The following ACSL6 variants were observed in gnomAD, a reference collection of about 807,000 sequenced individuals.
The protein encoded by ACSL6 is long-chain-fatty-acid--CoA ligase 6.
A neutral mutation model predicts 98.2 loss-of-function variants in ACSL6; 47 were observed. The observed-to-expected ratio is 0.48, with a 90% CI of 0.38 to 0.61. ACSL6 has a LOEUF of 0.61. Among genes scored for constraint, ACSL6 ranks in the 20% least tolerant of loss-of-function variants. The pLI, the probability that ACSL6 is intolerant of heterozygous loss-of-function variation, is 0.00. For synonymous variants in ACSL6, 362 were observed against 336.9 expected, an observed-to-expected ratio of 1.07 and a Z score of -0.82; for missense variants, 761 against 913.4, an observed-to-expected ratio of 0.83 and a Z score of 2.15.
intron 11 of ACSL6, chr5:131,973,609 T>C (rs922644579): frequency 2.2e-6 from 1 of 461,904 alleles, no homozygotes; most frequent in African/African-American, 2.0e-5. Flanking sequence ...CACAGGGAGA[T>C]GAAGCAGAAG....
Position 131,988,696 on chromosome 5 carries a change from G to C in ACSL6, c.652+109C>G, listed in dbSNP as rs1303656355. The C allele has an allele frequency of 7.6e-6, 12 of 1,571,786 alleles. No homozygotes were observed. In the South Asian group the frequency reaches 1.3e-4, roughly 17 times the overall value. Reference sequence around the variant, plus strand: ...AGTGTAAGCCCCTAGTATTTTCTGAGAGCAAAGTGCCTCTTACGAGTGTCA... The same window carrying C: ...AGTGTAAGCCCCTAGTATTTTCTGACAGCAAAGTGCCTCTTACGAGTGTCA... On this transcript the variant is annotated intron_variant, in intron 6 of 20. Transcript: ENST00000651883.
In ACSL6 at chr5:131,962,529, C is replaced by T; in HGVS notation, c.1857+6G>A. The T allele has an allele frequency of 6.2e-7, 1 of 1,611,340 alleles. No individual in the cohort carries two copies. The highest frequency in any genetic ancestry group is 8.5e-7 in the Non-Finnish European group (1 of 1,178,136). On this transcript the variant is annotated splice_donor_region_variant and intron_variant, in intron 18 of 20. Coordinates refer to ENST00000651883, the MANE Select transcript of ACSL6 (RefSeq NM_001009185.3). ...ATGTGGGAGGGCTGAAGCCTAGAGG[C>T]CTCACCTTTAAGCTGTCCCCATGGA... is the stretch of plus-strand genomic sequence containing the variant.
At chr5:131,954,453 CAT>C in intron 20 of ACSL6, 82 bp from the exon 21 acceptor site, 4 of 1,356,572 alleles carry the variant, frequency 2.9e-6, no homozygotes, top group Non-Finnish European at 4.0e-6. Flanking sequence ...CAAACAGGCA[CAT>C]GAGAGTAGAT....
At chr5:131,988,941 G>A in intron 5 of ACSL6, 37 bp from the exon 6 acceptor site, 4 of 1,579,760 alleles carry the variant, frequency 2.5e-6, no homozygotes, top group Non-Finnish European at 2.6e-6. Context: ...GGGAAGAAGG[G>A]GAGATTAGAG....
chr5:131,988,601 C>T, intron 6 of ACSL6: 1 of 1,612,948 alleles, frequency 6.2e-7, no homozygotes, highest in Non-Finnish European at 8.5e-7. Flanking sequence ...CAGCTGAGCC[C>T]TGTGGAAGGA....
chr5:131,974,920 C>T lies in ACSL6; in HGVS notation c.1041G>A (p.Leu347=). ...QDDVLISFLP[L]AHMFERVIQS... The stretch of plus-strand genomic sequence containing the variant: ...GGATTACTCTCTCAAACATGTGAGC[C>T]AGAGGCAGGAAGGAGATGAGCACAT... The change falls in exon 11 of 21, where the codon CTG becomes CTA. Residue 347 remains leucine (L), a synonymous_variant. Transcript: ENST00000651883. 6.2e-7 allele frequency: 1 copy of T among 1,614,184 alleles called. No individual in the cohort carries two copies. Among genetic ancestry groups the T allele is most frequent in the Non-Finnish European group, 8.5e-7 (1 of 1,180,028 alleles).
chr5:131,978,466 G>A (rs1753735366), intron 9 of ACSL6, among the ~76,000 whole-genome samples: 1 of 152,176 alleles, frequency 6.6e-6, no homozygotes, highest in South Asian at 2.1e-4. Context: ...CTGTTAGCAA[G>A]CTGGGGGAGA....
chr5:132,000,709 C>A (rs985561485), intron 1 of ACSL6, among the ~76,000 whole-genome samples: 1 of 152,276 alleles, frequency 6.6e-6, no homozygotes, highest in East Asian at 1.9e-4. Flanking sequence ...TTACTACCAC[C>A]CCCAGGCCCT....
chr5:131,960,879 T>C (rs1432371246), intron 18 of ACSL6: 3 of 320,816 alleles, frequency 9.4e-6, no homozygotes, highest in Non-Finnish European at 1.7e-5. Flanking sequence ...TTGATTCTCA[T>C]GCCAATCTCA....
intron 15 of ACSL6, 33 bp downstream of exon 15, chr5:131,970,095 G>T (rs542904263): frequency 1.2e-6 from 2 of 1,605,922 alleles, no homozygotes; most frequent in African/African-American, 1.3e-5. Context: ...ACAGTGCCTC[G>T]CGAGCCAGTC....
At chr5:132,007,749 C>T (rs963002473) in intron 1 of ACSL6, among the ~76,000 whole-genome samples, 4 of 152,218 alleles carry the variant, frequency 2.6e-5, no homozygotes, top group Admixed American at 2.0e-4. Flanking sequence ...CCTCCACACA[C>T]ACCTAGTACT....
At chr5:131,967,429 C>T (rs767995973) in intron 16 of ACSL6, among the ~76,000 whole-genome samples, 1 of 151,764 alleles carries the variant, frequency 6.6e-6, no homozygotes, top group African/African-American at 2.4e-5. Flanking sequence ...TTTGGGAGGC[C>T]GAGGTGGGCG....
intron 1 of ACSL6, among the ~76,000 whole-genome samples, chr5:132,008,288 G>C (rs1038927913): frequency 6.6e-6 from 1 of 152,208 alleles, no homozygotes; most frequent in Non-Finnish European, 1.5e-5. Flanking sequence ...TGGGGTAAGG[G>C]GAGGATCTCA....
At chr5:131,991,577 A>T (rs769516174) in intron 2 of ACSL6, among the ~76,000 whole-genome samples, 7 of 152,298 alleles carry the variant, frequency 4.6e-5, no homozygotes, top group Admixed American at 3.3e-4. Flanking sequence ...AGAGGCAGGC[A>T]GCAAGTTCCT....
chr5:131,987,675 CCT>C, intron 7 of ACSL6, among the ~76,000 whole-genome samples: 1 of 152,204 alleles, frequency 6.6e-6, no homozygotes, highest in African/African-American at 2.4e-5. Context: ...TTTGTAAGAA[CCT>C]CTCCCAGACT....
rs1755739160 is a variant in ACSL6, at chr5:132,011,621, CCAGCAGCCCCAGCAGTAG to C, written c.-86_-69del. ...ACCCGCAGCCCCGCAGCCCCGCAGC[CCAGCAGCCCCAGCAGTAG>C]CCGCGCCGCCGCCGCCGCTGCCGGG... On this transcript the variant is annotated 5_prime_UTR_variant, in exon 1 of 21. Transcript: ENST00000651883. This position sits in a 1 kb window ranked among gnomAD's most constrained non-coding sequence, Gnocchi z 5.4. 4 of 1,269,614 alleles carry C rather than the reference CCAGCAGCCCCAGCAGTAG, an allele frequency of 3.2e-6. No homozygotes were observed. Among genetic ancestry groups the C allele is most frequent in the Middle Eastern group, 5.3e-4 (2 of 3,806 alleles). The allele number at this position is 1,269,614 out of a possible 1,614,324, so 78.6% of individuals were successfully genotyped here.
intron 1 of ACSL6, among the ~76,000 whole-genome samples, chr5:132,000,535 T>C (rs1263487782): frequency 6.6e-6 from 1 of 151,910 alleles, no homozygotes; most frequent in Non-Finnish European, 1.5e-5. Flanking sequence ...GCTACTTCCA[T>C]AGCATTTTCA....
At position 131,976,718 on chromosome 5, in the gene ACSL6, T is replaced by A. The variant is rs147194604; in HGVS notation, c.920A>T (p.Asn307Ile). ...IVCFTSGTTGNPKGAMLTHGN... is the reference protein window; with the variant it reads ...IVCFTSGTTGIPKGAMLTHGN... ...ATGGGTGAGCATCGCACCTTTTGGG[T>A]TCCCTATAAAAAGAAAGCAAGAAGT... Residue 307 changes from asparagine (N) to isoleucine (I), a missense_variant, in exon 10 of 21, where the codon AAC becomes ATC. Coordinates refer to ENST00000651883, the MANE Select transcript of ACSL6 (RefSeq NM_001009185.3). 3.7e-6 allele frequency: 6 copies of A among 1,614,026 alleles called. No homozygotes were observed. Among genetic ancestry groups the A allele is most frequent in the Non-Finnish European group, 5.1e-6 (6 of 1,179,936 alleles).
chr5:131,987,963 G>C, intron 7 of ACSL6, 85 bp downstream of exon 7: 1 of 1,545,696 alleles, frequency 6.5e-7, no homozygotes, highest in Non-Finnish European at 8.8e-7. Context: ...CCACCCCAGG[G>C]CATGAGAGGG....
Sources: allele counts gnomAD v4.1 joint callset (sites outside exome capture counted in the v4.1 genomes callset), GRCh38; gene constraint gnomAD v4.1.1; non-coding constraint Gnocchi (gnomAD v3.1); transcripts MANE v1.5; gene names NCBI Gene and HGNC (gene_info 2026-07-23, HGNC 2026-07-21).